Variants in NTF3 observed in about 807,000 individuals in gnomAD.
NTF3 encodes neurotrophin 3.
A neutral mutation model predicts 26.3 loss-of-function variants in NTF3; 8 were observed. The observed-to-expected ratio is 0.30, with a 90% CI of 0.18 to 0.55. NTF3 has a LOEUF of 0.55. Ranked by LOEUF, NTF3 falls within the 20% of genes least tolerant of loss-of-function variation. The probability of loss-of-function intolerance (pLI) is 0.93; values close to 1 mark genes in which losing one functional copy is unlikely to be tolerated. For synonymous variants in NTF3, 154 were observed against 145.5 expected (o/e 1.06, Z -0.42); for missense variants, 276 against 352.9 (o/e 0.78, Z 1.75).
chr12:5,443,281 C>G (rs1242335287), intron 1 of NTF3, among the ~76,000 whole-genome samples: 3 of 152,220 alleles, frequency 2.0e-5, no homozygotes, highest in Non-Finnish European at 4.4e-5. Context: ...ATCCCCGACC[C>G]TGCATCATGT....
intron 1 of NTF3, among the ~76,000 whole-genome samples, chr12:5,462,196 ACTCT>A (rs5796153): frequency 0.27 from 40,264 of 151,666 alleles, 5,869 homozygotes; most frequent in East Asian, 0.51. Flanking sequence ...CAATCACAGC[ACTCT>A]CTCTCATTGA....
At chr12:5,454,953 G>C (rs1940420304) in intron 1 of NTF3, among the ~76,000 whole-genome samples, 1 of 152,190 alleles carries the variant, frequency 6.6e-6, no homozygotes, top group Admixed American at 6.5e-5. Context: ...CTGTGGCCTA[G>C]GTATTTACCT....
chr12:5,434,427 G>A (rs527587905), intron 1 of NTF3, among the ~76,000 whole-genome samples: 21 of 151,938 alleles, frequency 1.4e-4, no homozygotes, highest in African/African-American at 4.8e-4. Flanking sequence ...GTGAGATTGT[G>A]ACCATTGAGT....
intron 1 of NTF3, among the ~76,000 whole-genome samples, chr12:5,480,188 T>C (rs1940770164): frequency 6.6e-6 from 1 of 151,986 alleles, no homozygotes; most frequent in Non-Finnish European, 1.5e-5. Context: ...TCAAATTCAC[T>C]CATCAAAAGA....
chr12:5,431,056 G>C (rs959097123), upstream of NTF3, among the ~76,000 whole-genome samples: 5 of 152,170 alleles, frequency 3.3e-5, no homozygotes, highest in African/African-American at 1.2e-4. Context: ...AGAGAGAACG[G>C]CTCGGAGCAA....
intron 1 of NTF3, among the ~76,000 whole-genome samples, chr12:5,466,704 G>A (rs924177619): frequency 6.6e-6 from 1 of 152,214 alleles, no homozygotes; most frequent in African/African-American, 2.4e-5. Flanking sequence ...TCTTTCCTGA[G>A]TAGAATTTCC....
chr12:5,460,886 C>T (rs1940516194), intron 1 of NTF3, among the ~76,000 whole-genome samples: 1 of 151,940 alleles, frequency 6.6e-6, no homozygotes, highest in African/African-American at 2.4e-5. Flanking sequence ...CATCTTGGAA[C>T]ACACACACAC....
At chr12:5,432,067 C>T (rs1284256921), upstream of NTF3, 2 of 455,078 alleles carry the variant, frequency 4.4e-6, no homozygotes, top group Admixed American at 6.4e-5. Flanking sequence ...AGCCATCTGG[C>T]CGGGTTGGCT....
chr12:5,463,219 T>A (rs757419544), intron 1 of NTF3, among the ~76,000 whole-genome samples: 1 of 152,150 alleles, frequency 6.6e-6, no homozygotes, highest in Non-Finnish European at 1.5e-5. Flanking sequence ...AAAATCATGA[T>A]TTCATACATC....
chr12:5,431,744 A>G (rs1302629089), upstream of NTF3, among the ~76,000 whole-genome samples: 1 of 152,218 alleles, frequency 6.6e-6, no homozygotes, highest in Non-Finnish European at 1.5e-5. Flanking sequence ...AAAAAGAACC[A>G]CTAAGAAAGG....
At chr12:5,490,378 C>G (rs545034205) in intron 1 of NTF3, among the ~76,000 whole-genome samples, 30 of 152,166 alleles carry the variant, frequency 2.0e-4, no homozygotes, top group African/African-American at 7.0e-4. Flanking sequence ...TGGTCCCTGT[C>G]GTCAAAGAGA....
At position 5,494,005 on chromosome 12, in the gene NTF3, A is replaced by G; in HGVS notation, c.19-189A>G. 1 of 603,756 alleles carries G rather than the reference A, an allele frequency of 1.7e-6. No homozygotes were observed. Among genetic ancestry groups the G allele is most frequent in the South Asian group, 2.1e-5 (1 of 48,474 alleles). 37.4% of individuals were successfully genotyped at this position (603,756 alleles called of 1,614,324 possible). A position where few individuals can be genotyped will look rare whatever the true frequency, so the allele number is the denominator to read the frequency against. On this transcript the variant is annotated intron_variant, in intron 1 of 1. Transcript: ENST00000423158. This position sits in a 1 kb window ranked among gnomAD's most constrained non-coding sequence, Gnocchi z 8.3. ...GTCGGCAGACCTGGAGTGCATTCGC[A>G]GTATCTCCCGGGGGTGGGGGAAAGA... is the stretch of plus-strand genomic sequence containing the variant.
intron 1 of NTF3, among the ~76,000 whole-genome samples, chr12:5,450,593 A>G (rs1940360272): frequency 6.6e-6 from 1 of 152,216 alleles, no homozygotes; most frequent in South Asian, 2.1e-4. Flanking sequence ...GGCCTTCTTC[A>G]TCTCAAAATA....
At chr12:5,434,238 T>G (rs1591588496) in intron 1 of NTF3, among the ~76,000 whole-genome samples, 1 of 152,082 alleles carries the variant, frequency 6.6e-6, no homozygotes, top group African/African-American at 2.4e-5. Context: ...AGGTATCGTG[T>G]TAGGAGGTAA....
chr12:5,443,895 G>A (rs918177), intron 1 of NTF3, among the ~76,000 whole-genome samples: 46,122 of 152,052 alleles, frequency 0.3, 8,545 homozygotes, highest in Middle Eastern at 0.46. Flanking sequence ...GAGGAGAGGC[G>A]AGAGAGAGTA....
chr12:5,468,002 AT>A (rs1591600434), intron 1 of NTF3, among the ~76,000 whole-genome samples: 1 of 150,834 alleles, frequency 6.6e-6, no homozygotes. Context: ...CACCCCCCAC[AT>A]TTTCCCTCTG....
chr12:5,466,893 A>T (rs1385726180), intron 1 of NTF3, among the ~76,000 whole-genome samples: 1 of 152,098 alleles, frequency 6.6e-6, no homozygotes, highest in Non-Finnish European at 1.5e-5. Flanking sequence ...GGGAGGAAGC[A>T]ACAGGGACCT....
At chr12:5,485,125 C>G (rs1310578955) in intron 1 of NTF3, among the ~76,000 whole-genome samples, 1 of 152,174 alleles carries the variant, frequency 6.6e-6, no homozygotes, top group Non-Finnish European at 1.5e-5. Context: ...AGAAACTAAA[C>G]CATAAACAAT....
intron 1 of NTF3, among the ~76,000 whole-genome samples, chr12:5,467,869 C>A (rs1299482778): frequency 1.3e-5 from 2 of 152,174 alleles, no homozygotes; most frequent in Non-Finnish European, 2.9e-5. Context: ...AGCGTCTCCC[C>A]TGGATTTATC....
Sources: allele counts gnomAD v4.1 joint callset (sites outside exome capture counted in the v4.1 genomes callset), GRCh38; gene constraint gnomAD v4.1.1; non-coding constraint Gnocchi (gnomAD v3.1); transcripts MANE v1.5; gene names NCBI Gene and HGNC (gene_info 2026-07-23, HGNC 2026-07-21).